Variants in ANGPTL1 observed in about 807,000 individuals in gnomAD.
ANGPTL1 encodes the protein angiopoietin like 1, also known as angiopoietin-related protein 1.
Under a neutral mutation model 46.7 loss-of-function variants are expected in ANGPTL1, and 36 were observed. That is an observed-to-expected ratio of 0.77 (90% CI 0.59 to 1.02). The LOEUF (loss-of-function observed/expected upper bound fraction) is 1.02, where lower values mean the gene tolerates loss of function less well. Ranked by LOEUF, ANGPTL1 falls within the 50% of genes least tolerant of loss-of-function variation. The pLI is 0.00. For missense variants in ANGPTL1, 571 were observed against 594.7 expected (o/e 0.96, Z 0.41); for synonymous variants, 221 against 204.3 (o/e 1.08, Z -0.69).
At position 178,865,338 on chromosome 1, in the gene ANGPTL1, T is replaced by G; in HGVS notation, c.439A>C (p.Asn147His). 1 of 1,614,096 alleles carries G rather than the reference T, an allele frequency of 6.2e-7. No individual in the cohort carries two copies. Residue 147 changes from asparagine to histidine, a missense_variant, in exon 3 of 6, where the codon AAT (asparagine) becomes CAT (histidine). By Grantham distance (68) the Asn-to-His change is moderately conservative. Transcript: ENST00000234816. ...LLHEIIRKRD[N>H]SLELSQLENK... ...TCCAGTTGGGAAAGTTCAAGTGAATTATCCCTCTTACGGATAATCTCATGT... is the reference window on the plus strand; with the variant it reads ...TCCAGTTGGGAAAGTTCAAGTGAATGATCCCTCTTACGGATAATCTCATGT...
At chr1:178,869,595 C>A (rs1658623613) in intron 1 of ANGPTL1, among the ~76,000 whole-genome samples, 1 of 152,048 alleles carries the variant, frequency 6.6e-6, no homozygotes, top group African/African-American at 2.4e-5. Context: ...TCCACTGTTG[C>A]TTGGAAATTT....
intron 3 of ANGPTL1, among the ~76,000 whole-genome samples, chr1:178,856,230 T>G (rs1393970301): frequency 1.5e-5 from 2 of 135,724 alleles, no homozygotes; most frequent in African/African-American, 3.1e-5. Context: ...TATATATATA[T>G]ATATGGTTTT....
At position 178,851,147 on chromosome 1, in the gene ANGPTL1, C is replaced by T. The variant is rs766895281; in HGVS notation, c.1458G>A (p.Met486Ile). ...TCTCTCTTCAGTCAATAGGCTTGAT[C>T]ATCATCTGAACTGCTCTTAAGGAGT... The part of the protein sequence containing the change: ...GSYSLRAVQM[M>I]IKPID The change falls in exon 6 of 6, where the codon ATG (methionine) becomes ATA (isoleucine). Residue 486 changes from methionine to isoleucine, a missense_variant. Transcript: ENST00000234816. 1 of 1,613,104 alleles carries T rather than the reference C, an allele frequency of 6.2e-7. No homozygotes were observed. The highest frequency in any genetic ancestry group is 8.5e-7 in the Non-Finnish European group (1 of 1,179,596).
Position 178,857,370 on chromosome 1 carries a change from T to G in ANGPTL1, c.824-3583A>C, listed in dbSNP as rs1324147617. On this transcript the variant is annotated intron_variant, in intron 3 of 5. Coordinates refer to ENST00000234816, the MANE Select transcript of ANGPTL1 (RefSeq NM_004673.4). ...CATTATTCTTTCAAGAAATGTCTTT[T>G]CTGCATCTACTACAGGCTAAGGACT... Among the ~76,000 whole-genome samples, 4 of 152,300 alleles carry G rather than the reference T, an allele frequency of 2.6e-5. No individual in the cohort carries two copies. The East Asian group carries it at 7.7e-4, about 29-fold the overall frequency.
At position 178,862,313 on chromosome 1, in the gene ANGPTL1, A is replaced by G. The variant is rs552637246; in HGVS notation, c.823+2641T>C. On this transcript the variant is annotated intron_variant, in intron 3 of 5. Coordinates refer to ENST00000234816, the MANE Select transcript of ANGPTL1 (RefSeq NM_004673.4). ...CTTTCATGAGGGTCTTTGGAATGAC[A>G]ATTTTAAGAAGCTCTATAAAAATGT... Among the ~76,000 whole-genome samples, 39 of 152,298 alleles carry G rather than the reference A, an allele frequency of 2.6e-4. No individual in the cohort carries two copies. The Middle Eastern group carries it at 0.01, about 40-fold the overall frequency.
chr1:178,865,684 TA>T lies in ANGPTL1; in HGVS notation c.92del (p.Ile31LysfsTer30). The T allele has an allele frequency of 6.2e-7, 1 of 1,614,106 alleles. No individual in the cohort carries two copies. The highest frequency in any genetic ancestry group is 8.5e-7 in the Non-Finnish European group (1 of 1,179,966). ...TGGCACGAGGGTATCTTCTCTGGTT[TA>T]TTTTTTTAATTTTGAATTGTCCACC... The part of the protein sequence containing the change: ...CRGGQFKIKK[I>X]NQRRYPRATD... On this transcript the variant is annotated frameshift_variant, in exon 3 of 6. Coordinates refer to ENST00000234816, the MANE Select transcript of ANGPTL1 (RefSeq NM_004673.4). LOFTEE classifies it high-confidence loss of function.
intron 5 of ANGPTL1, 135 bp downstream of exon 5, chr1:178,852,548 G>A: frequency 1.3e-6 from 1 of 789,504 alleles, no homozygotes; most frequent in Non-Finnish European, 1.9e-6. Flanking sequence ...TCTTTCAGTA[G>A]GTTGGTTGTA....
At chr1:178,853,460 G>T in intron 4 of ANGPTL1, 134 bp downstream of exon 4, 2 of 816,240 alleles carry the variant, frequency 2.5e-6, no homozygotes, top group Non-Finnish European at 3.5e-6. Context: ...TTTTTTGACA[G>T]ATGTAGATAA....
At chr1:178,868,685 C>T (rs963138236) in intron 2 of ANGPTL1, among the ~76,000 whole-genome samples, 1 of 151,874 alleles carries the variant, frequency 6.6e-6, no homozygotes, top group African/African-American at 2.4e-5. Context: ...AAACAGCTTC[C>T]TTGTGTGTAT....
In ANGPTL1 at chr1:178,849,863, C is replaced by T. The variant is rs1282365439; in HGVS notation, c.*1266G>A. 1.3e-5 allele frequency: 2 copies of T among 152,158 alleles called. No homozygotes were observed. Among genetic ancestry groups the T allele is most frequent in the Non-Finnish European group, 2.9e-5 (2 of 68,010 alleles). 9.4% of individuals were successfully genotyped at this position (152,158 alleles called of 1,614,324 possible). On this transcript the variant is annotated 3_prime_UTR_variant, in exon 6 of 6. Transcript: ENST00000234816. Reference sequence around the variant, plus strand: ...ATAGTTTGCCTCACACATTTCAATTCGAGGTTTTCTTTTTGCTTAAGCAAA... The same window carrying T: ...ATAGTTTGCCTCACACATTTCAATTTGAGGTTTTCTTTTTGCTTAAGCAAA...
At chr1:178,864,670 A>G (rs903629874) in intron 3 of ANGPTL1, among the ~76,000 whole-genome samples, 2 of 152,156 alleles carry the variant, frequency 1.3e-5, no homozygotes, top group Non-Finnish European at 2.9e-5. Context: ...TGGAGCATGT[A>G]CTTATTCCTG....
Position 178,865,205 on chromosome 1 carries a change from A to G in ANGPTL1, c.572T>C (p.Val191Ala). The G allele has an allele frequency of 6.2e-7, 1 of 1,614,002 alleles. No homozygotes were observed. The highest frequency in any genetic ancestry group is 8.5e-7 in the Non-Finnish European group (1 of 1,179,932). The change falls in exon 3 of 6, where the codon GTG (valine) becomes GCG (alanine). Residue 191 changes from valine (V) to alanine (A), a missense_variant. Physicochemically the swap from Val to Ala is moderately conservative, Grantham distance 64 (BLOSUM62 0). Transcript: ENST00000234816. ...CTGTTCTTCCAACAAAGTGATCATCACAGATTGGTTATTGACAAGATCAGT... is the reference window on the plus strand; with the variant it reads ...CTGTTCTTCCAACAAAGTGATCATCGCAGATTGGTTATTGACAAGATCAGT... Reference protein sequence around the residue: ...SLTDLVNNQSVMITLLEEQCL... With the variant: ...SLTDLVNNQSAMITLLEEQCL...
chr1:178,861,506 C>T (rs1658011743), intron 3 of ANGPTL1, among the ~76,000 whole-genome samples: 1 of 150,232 alleles, frequency 6.7e-6, no homozygotes, highest in African/African-American at 2.4e-5. Flanking sequence ...TGGTATGTTT[C>T]ATTTTGTATA....
chr1:178,861,519 CA>C (rs2102324504), intron 3 of ANGPTL1, among the ~76,000 whole-genome samples: 1 of 151,144 alleles, frequency 6.6e-6, no homozygotes, highest in East Asian at 1.9e-4. Flanking sequence ...TTTGTATAAA[CA>C]TTTTCTTAGA....
intron 3 of ANGPTL1, among the ~76,000 whole-genome samples, chr1:178,856,194 GAGAGAGAGATATATATAT>G (rs1256913387): frequency 1.0e-5 from 1 of 99,198 alleles, no homozygotes; most frequent in Non-Finnish European, 1.8e-5. Context: ...CTTTTCCAGA[GAGAGAGAGATATATATAT>G]ATATATATAT....
At position 178,851,205 on chromosome 1, in the gene ANGPTL1, C is replaced by T. The variant is rs1657150744; in HGVS notation, c.1400G>A (p.Gly467Glu). 1.2e-6 allele frequency: 2 copies of T among 1,613,884 alleles called. No homozygotes were observed. Among genetic ancestry groups the T allele is most frequent in the Non-Finnish European group, 1.7e-6 (2 of 1,179,936 alleles). ...GCCTCTGTATTCGGCCCAGAAAATT[C>T]CATCTTGGTGCTTGCTTCTGTAATG... Reference protein sequence around the residue: ...GGHYRSKHQDGIFWAEYRGGS... With the variant: ...GGHYRSKHQDEIFWAEYRGGS... The change falls in exon 6 of 6, where the codon GGA becomes GAA. Residue 467 changes from glycine to glutamate, a missense_variant. Transcript: ENST00000234816.
chr1:178,865,501 G>A lies in ANGPTL1; in HGVS notation c.276C>T (p.Leu92=). The change falls in exon 3 of 6, where the codon CTC becomes CTT. Residue 92 remains leucine, a synonymous_variant. Coordinates refer to ENST00000234816, the MANE Select transcript of ANGPTL1 (RefSeq NM_004673.4). ...CATCTATCTCCCGCTTCTGCCTGGA[G>A]AGCACATCCTTCAGGTTTTCAAGGT... The part of the protein sequence containing the change: ...RMDLENLKDV[L]SRQKREIDVL... 1 of 1,614,064 alleles carries A rather than the reference G, an allele frequency of 6.2e-7. No individual in the cohort carries two copies. The highest frequency in any genetic ancestry group is 1.1e-5 in the South Asian group (1 of 91,076).
At chr1:178,854,728 G>C (rs1657414350) in intron 3 of ANGPTL1, among the ~76,000 whole-genome samples, 1 of 152,126 alleles carries the variant, frequency 6.6e-6, no homozygotes, top group African/African-American at 2.4e-5. Context: ...TAATCCCAGA[G>C]TCCCTGCTCT....
rs918024475 is a variant in ANGPTL1 at position 178,853,092 on chromosome 1, A to T, written c.1018-139T>A. 4 of 1,427,692 alleles carry T rather than the reference A, an allele frequency of 2.8e-6. No homozygotes were observed. The African/African-American group carries it at 5.7e-5, about 20-fold the overall frequency. 88.4% of individuals were successfully genotyped at this position (1,427,692 alleles called of 1,614,324 possible). The stretch of plus-strand genomic sequence containing the variant: ...ATGTGAGCTTCCATTTTAGTTGGTC[A>T]CTTGCGTTTTATAAGCCACACATTG... On this transcript the variant is annotated intron_variant, in intron 4 of 5. Coordinates refer to ENST00000234816, the MANE Select transcript of ANGPTL1 (RefSeq NM_004673.4).
Sources: allele counts gnomAD v4.1 joint callset (sites outside exome capture counted in the v4.1 genomes callset), GRCh38; gene constraint gnomAD v4.1.1; transcripts MANE v1.5; gene names NCBI Gene and HGNC (gene_info 2026-07-23, HGNC 2026-07-21).